The following PDE10A variants were observed in gnomAD, a reference collection of about 807,000 sequenced individuals.
The protein encoded by PDE10A is cAMP and cAMP-inhibited cGMP 3',5'-cyclic phosphodiesterase 10A.
In PDE10A, 39 loss-of-function variants were observed where a neutral mutation model predicts 97.7. The observed-to-expected ratio is 0.40, with a 90% CI of 0.31 to 0.52. The LOEUF (loss-of-function observed/expected upper bound fraction) is 0.52. PDE10A is among the 20% of genes least tolerant of loss of function. PDE10A has a pLI of 0.56. For missense variants in PDE10A, 731 were observed against 1,047.8 expected (o/e 0.70, Z 4.17); for synonymous variants, 371 against 376.8 (o/e 0.98, Z 0.18).
At chr6:165,863,024 G>C (rs1780950167) in intron 1 of PDE10A, among the ~76,000 whole-genome samples, 2 of 152,216 alleles carry the variant, frequency 1.3e-5, no homozygotes, top group Admixed American at 1.3e-4. Context: ...TTGAATTGGA[G>C]TAACCCTGAA....
chr6:165,954,733 A>G (rs1784077245), intron 1 of PDE10A, among the ~76,000 whole-genome samples: 1 of 152,078 alleles, frequency 6.6e-6, no homozygotes, highest in African/African-American at 2.4e-5. Flanking sequence ...AGGCCTTACA[A>G]GAAGGCTCAG....
intron 3 of PDE10A, among the ~76,000 whole-genome samples, chr6:165,471,215 C>G (rs1293841911): frequency 6.6e-6 from 1 of 152,050 alleles, no homozygotes; most frequent in Non-Finnish European, 1.5e-5. Flanking sequence ...TTAAAAGAAA[C>G]ATATGCCCCT....
At chr6:165,840,515 G>T (rs1222083671) in intron 1 of PDE10A, among the ~76,000 whole-genome samples, 2 of 152,160 alleles carry the variant, frequency 1.3e-5, no homozygotes, top group African/African-American at 2.4e-5. Flanking sequence ...AACAGCAGTT[G>T]CACATGACTG....
At position 165,434,581 on chromosome 6, in the gene PDE10A, T is replaced by C. The variant is rs114198194; in HGVS notation, c.1335+656A>G. ...GTCTGGGCCTGTCTACGTGATTTGCTCTGGCTAATGGGAGGGTAGTAAATT... is the reference window on the plus strand; with the variant it reads ...GTCTGGGCCTGTCTACGTGATTTGCCCTGGCTAATGGGAGGGTAGTAAATT... On this transcript the variant is annotated intron_variant, in intron 6 of 21. Coordinates refer to ENST00000539869, the MANE Select transcript of PDE10A (RefSeq NM_001385079.1). 9.8e-3 allele frequency among the ~76,000 whole-genome samples: 1,500 copies of C among 152,318 alleles called. 22 individuals are homozygous for C. The highest frequency in any genetic ancestry group is 0.034 in the African/African-American group (1,413 of 41,568).
chr6:165,973,000 C>T lies in PDE10A; in HGVS notation c.-615+14529G>A, dbSNP rs1784733160. On this transcript the variant is annotated intron_variant, in intron 1 of 19. Transcript: ENST00000366882. ...CCCTTCCCCTCACCGTCTCCCTCCC[C>T]TTCTCTTCCATTCCATTCAGCTGCT... Among the ~76,000 whole-genome samples, 5 of 152,244 alleles carry T rather than the reference C, an allele frequency of 3.3e-5. No homozygotes were observed. The South Asian group carries it at 6.2e-4, about 19-fold the overall frequency.
chr6:165,427,685 T>A (rs1431158392), intron 10 of PDE10A, among the ~76,000 whole-genome samples: 1 of 152,138 alleles, frequency 6.6e-6, no homozygotes, highest in African/African-American at 2.4e-5. Context: ...AAAGAACATA[T>A]TAATAATACA....
chr6:165,949,231 A>C (rs1230915927), intron 1 of PDE10A: 1 of 152,260 alleles, frequency 6.6e-6, no homozygotes, highest in Non-Finnish European at 1.5e-5. Flanking sequence ...AACCCATTTG[A>C]GATGAGTTAT....
chr6:165,472,310 C>T (rs1779061030), intron 3 of PDE10A, among the ~76,000 whole-genome samples: 1 of 151,872 alleles, frequency 6.6e-6, no homozygotes, highest in African/African-American at 2.4e-5. Flanking sequence ...TAATAATCTC[C>T]CTGGTGTCCA....
At chr6:165,917,978 A>C (rs968576635) in intron 1 of PDE10A, among the ~76,000 whole-genome samples, 1 of 152,232 alleles carries the variant, frequency 6.6e-6, no homozygotes, top group Non-Finnish European at 1.5e-5. Flanking sequence ...CAAATGGTTG[A>C]TAAATACTGG....
intron 6 of PDE10A, among the ~76,000 whole-genome samples, chr6:165,434,122 CA>C (rs2128239470): frequency 6.6e-6 from 1 of 151,228 alleles, no homozygotes; most frequent in African/African-American, 2.4e-5. Context: ...AAGAAGCTAT[CA>C]GGATGAATTA....
chr6:165,655,555 C>T lies in PDE10A; in HGVS notation c.865+6392G>A, dbSNP rs1249555354. Reference sequence around the variant, plus strand: ...CCACCTCCAAACACCTCCTGAACCACCGCGGCATTTTGCTTCTACCATCAT... The same window carrying T: ...CCACCTCCAAACACCTCCTGAACCATCGCGGCATTTTGCTTCTACCATCAT... On this transcript the variant is annotated intron_variant, in intron 1 of 21. Coordinates refer to ENST00000539869, the MANE Select transcript of PDE10A (RefSeq NM_001385079.1). The surrounding 1 kb of genome is among the most constrained non-coding windows in gnomAD (Gnocchi z 4.5). Among the ~76,000 whole-genome samples, 3 of 152,058 alleles carry T rather than the reference C, an allele frequency of 2.0e-5. No homozygotes were observed. Among genetic ancestry groups the T allele is most frequent in the East Asian group, 1.9e-4 (1 of 5,170 alleles).
intron 1 of PDE10A, chr6:165,940,184 A>C (rs934652398): frequency 1.3e-5 from 2 of 152,222 alleles, no homozygotes; most frequent in African/African-American, 4.8e-5. Flanking sequence ...CAGAATAAAG[A>C]TTCTATTCTT....
At chr6:165,372,920 C>T (rs1336512299) in intron 18 of PDE10A, among the ~76,000 whole-genome samples, 9 of 151,644 alleles carry the variant, frequency 5.9e-5, no homozygotes, top group South Asian at 2.1e-4. Flanking sequence ...TCAGAAATAA[C>T]GCTGCATATC....
chr6:165,352,749 A>G (rs1230408257), intron 18 of PDE10A, among the ~76,000 whole-genome samples: 3 of 152,188 alleles, frequency 2.0e-5, no homozygotes, highest in Non-Finnish European at 4.4e-5. Flanking sequence ...AAACTGTAAC[A>G]CAGATATATA....
At chr6:165,372,502 C>T (rs192402319) in intron 18 of PDE10A, among the ~76,000 whole-genome samples, 1 of 128,632 alleles carries the variant, frequency 7.8e-6, no homozygotes, top group Non-Finnish European at 1.6e-5. Context: ...AATAAAATAC[C>T]TAGGAATCCA....
chr6:165,487,626 C>T (rs1184952788), intron 2 of PDE10A, among the ~76,000 whole-genome samples: 1 of 152,296 alleles, frequency 6.6e-6, no homozygotes, highest in Non-Finnish European at 1.5e-5. Flanking sequence ...CCCAAACCTG[C>T]AGTCACTAGT....
chr6:165,958,690 GAAAGAGAAAGAAAGAAAGAAAGAGAGA>G (rs1413077170), intron 1 of PDE10A, among the ~76,000 whole-genome samples: 1 of 138,246 alleles, frequency 7.2e-6, no homozygotes, highest in Non-Finnish European at 1.5e-5. Context: ...AGGAAAGAAA[GAAAGAGAAAGAAAGAAAGAAAGAGAGA>G]AGAAAGAAAG....
chr6:165,704,140 C>T (rs1175249406), intron 1 of PDE10A, among the ~76,000 whole-genome samples: 2 of 152,178 alleles, frequency 1.3e-5, no homozygotes, highest in Non-Finnish European at 2.9e-5. Flanking sequence ...GGAACTGGCT[C>T]AAGTTCTCAG....
intron 2 of PDE10A, among the ~76,000 whole-genome samples, chr6:165,539,653 G>A (rs1378348975): frequency 1.3e-5 from 2 of 152,176 alleles, no homozygotes; most frequent in Non-Finnish European, 2.9e-5. Flanking sequence ...TGGGAGCAGT[G>A]CCGCATGGCT....
Sources: allele counts gnomAD v4.1 joint callset (sites outside exome capture counted in the v4.1 genomes callset), GRCh38; gene constraint gnomAD v4.1.1; non-coding constraint Gnocchi (gnomAD v3.1); transcripts MANE v1.5; gene names NCBI Gene and HGNC (gene_info 2026-07-23, HGNC 2026-07-21).